OR2A12: variants seen among roughly 807,000 people sequenced by gnomAD.
The protein encoded by OR2A12 is olfactory receptor family 2 subfamily A member 12.
For missense variants in OR2A12, 380 were observed against 372.5 expected, an observed-to-expected ratio of 1.02 and a Z score of -0.17; for synonymous variants, 153 against 149.3, an observed-to-expected ratio of 1.02 and a Z score of -0.18.
chr7:144,092,451 A>G (rs953901111), intron 1 of OR2A12, among the ~76,000 whole-genome samples: 6 of 152,054 alleles, frequency 3.9e-5, no homozygotes, highest in South Asian at 4.1e-4. Flanking sequence ...AACAATATTG[A>G]TTCTTTCTAT....
intron 1 of OR2A12, among the ~76,000 whole-genome samples, chr7:144,089,243 T>G (rs2051211415): frequency 6.6e-6 from 1 of 152,092 alleles, no homozygotes; most frequent in South Asian, 2.1e-4. Context: ...GATAACAAAA[T>G]TGCTACTACC....
chr7:144,091,157 A>G (rs1391821573), intron 1 of OR2A12, among the ~76,000 whole-genome samples: 1 of 152,208 alleles, frequency 6.6e-6, no homozygotes, highest in Non-Finnish European at 1.5e-5. Context: ...TTGGGAGGCC[A>G]AGGCAGGCGG....
chr7:144,087,664 A>G (rs932230569), intron 1 of OR2A12, among the ~76,000 whole-genome samples: 3 of 152,236 alleles, frequency 2.0e-5, no homozygotes, highest in African/African-American at 4.8e-5. Context: ...TTGAGAAGGA[A>G]GTTTTTTAAA....
intron 1 of OR2A12, among the ~76,000 whole-genome samples, chr7:144,092,725 T>A (rs2051234951): frequency 6.6e-6 from 1 of 152,164 alleles, no homozygotes; most frequent in Non-Finnish European, 1.5e-5. Flanking sequence ...TTAAGGAATT[T>A]TTTTTCTATT....
intron 1 of OR2A12, among the ~76,000 whole-genome samples, chr7:144,094,847 C>T (rs780080529): frequency 2.0e-5 from 3 of 152,078 alleles, no homozygotes; most frequent in Non-Finnish European, 4.4e-5. Context: ...CTATTTTTCT[C>T]AAAAGAATCT....
At chr7:144,088,860 T>C (rs1275703060) in intron 1 of OR2A12, among the ~76,000 whole-genome samples, 1 of 152,220 alleles carries the variant, frequency 6.6e-6, no homozygotes, top group Non-Finnish European at 1.5e-5. Context: ...ACTTTATTAA[T>C]CAACATTAAA....
At chr7:144,089,742 T>C (rs2051215194) in intron 1 of OR2A12, among the ~76,000 whole-genome samples, 1 of 152,186 alleles carries the variant, frequency 6.6e-6, no homozygotes, top group Admixed American at 6.5e-5. Context: ...AGTTTCAATT[T>C]TCATCAAGAG....
chr7:144,093,787 T>A (rs1472260337), intron 1 of OR2A12, among the ~76,000 whole-genome samples: 1 of 151,794 alleles, frequency 6.6e-6, no homozygotes, highest in Non-Finnish European at 1.5e-5. Flanking sequence ...TTCATCCATG[T>A]CCCTACAAAG....
chr7:144,088,717 A>G (rs2051205707), intron 1 of OR2A12, among the ~76,000 whole-genome samples: 1 of 152,216 alleles, frequency 6.6e-6, no homozygotes, highest in Non-Finnish European at 1.5e-5. Context: ...AATACACAGT[A>G]ATTTTAATAG....
chr7:144,094,284 T>C lies in OR2A12; in HGVS notation c.-51-773T>C, dbSNP rs147376751. Among the ~76,000 whole-genome samples the C allele has an allele frequency of 1.4e-3, 211 of 152,224 alleles. 2 individuals are homozygous for C. The highest frequency in any genetic ancestry group is 4.7e-3 in the African/African-American group (195 of 41,574). On this transcript the variant is annotated intron_variant, in intron 1 of 1. Transcript: ENST00000641592. ...GGTCTTATAACACTTTCTCAGGTTC[T>C]GTTGATCAAATTATAGAGCCGGCAA...
chr7:144,094,974 A>G, intron 1 of OR2A12, 83 bp from the exon 2 acceptor site: 8 of 625,192 alleles, frequency 1.3e-5, no homozygotes, highest in Middle Eastern at 4.0e-4. Context: ...TTTGGGCTGG[A>G]TGTACCCATG....
Position 144,095,201 on chromosome 7 carries a change from C to T in OR2A12, c.94C>T (p.Leu32=). Reference sequence around the variant, plus strand: ...GTTGTTCCTCTTTGGGTTTTTCTTGCTATTCTACAGCTTAACCCTGATGGG... The same window carrying T: ...GTTGTTCCTCTTTGGGTTTTTCTTGTTATTCTACAGCTTAACCCTGATGGG... ...LELFLFGFFL[L]FYSLTLMGNG... The change falls in exon 2 of 2, where the codon CTA becomes TTA. Residue 32 remains leucine, a synonymous_variant. Transcript: ENST00000641592. The T allele has an allele frequency of 4.3e-6, 7 of 1,613,908 alleles. No individual in the cohort carries two copies. In the East Asian group the frequency reaches 1.6e-4, roughly 36 times the overall value.
chr7:144,094,024 C>T (rs1586901354), intron 1 of OR2A12, among the ~76,000 whole-genome samples: 1 of 152,152 alleles, frequency 6.6e-6, no homozygotes, highest in African/African-American at 2.4e-5. Context: ...TTAATTGCAT[C>T]TTCAATGAAT....
intron 1 of OR2A12, among the ~76,000 whole-genome samples, chr7:144,092,864 G>A (rs2128802749): frequency 8.2e-6 from 1 of 122,106 alleles, no homozygotes; most frequent in South Asian, 2.7e-4. Flanking sequence ...AAAATGTCAA[G>A]AACATGGTGA....
At chr7:144,094,305 G>A (rs1249962088) in intron 1 of OR2A12, among the ~76,000 whole-genome samples, 8 of 152,040 alleles carry the variant, frequency 5.3e-5, no homozygotes, top group South Asian at 4.1e-4. Flanking sequence ...TTATAGAGCC[G>A]GCAAGCATAT....
chr7:144,095,594 C>G lies in OR2A12; in HGVS notation c.487C>G (p.Leu163Val). 3 of 1,614,112 alleles carry G rather than the reference C, an allele frequency of 1.9e-6. No individual in the cohort carries two copies. The highest frequency in any genetic ancestry group is 2.5e-6 in the Non-Finnish European group (3 of 1,180,020). ...LLALVHITLI[L>V]RLPFCGPQKI... ...GGCTCTGGTCCATATTACTCTTATT[C>G]TGAGGCTGCCTTTTTGTGGCCCACA... The change falls in exon 2 of 2, where the codon CTG becomes GTG. Residue 163 changes from leucine (L) to valine (V), a missense_variant. Physicochemically the swap from Leu to Val is conservative, Grantham distance 32. Coordinates refer to ENST00000641592, the MANE Select transcript of OR2A12 (RefSeq NM_001004135.2).
rs2051274733 is a variant in OR2A12 at position 144,097,459 on chromosome 7, C to A, written c.*1419C>A. On this transcript the variant is annotated 3_prime_UTR_variant, in exon 2 of 2. Transcript: ENST00000641592. ...AATTGATTATTAGATTTAATACAAT[C>A]CCAATCAATATCGCAGCAGGGTGTG... The A allele has an allele frequency of 6.6e-6, 1 of 152,060 alleles. No homozygotes were observed. The highest frequency in any genetic ancestry group is 1.5e-5 in the Non-Finnish European group (1 of 68,010). The allele number at this position is 152,060 out of a possible 1,614,324, so 9.4% of individuals were successfully genotyped here. A position where few individuals can be genotyped will look rare whatever the true frequency, so the allele number is the denominator to read the frequency against.
At chr7:144,094,273 T>C (rs565871711) in intron 1 of OR2A12, among the ~76,000 whole-genome samples, 6 of 152,274 alleles carry the variant, frequency 3.9e-5, no homozygotes, top group African/African-American at 1.4e-4. Flanking sequence ...TTATAACACT[T>C]TCTCAGGTTC....
chr7:144,092,783 A>T (rs1194831372), intron 1 of OR2A12, among the ~76,000 whole-genome samples: 1 of 152,162 alleles, frequency 6.6e-6, no homozygotes, highest in African/African-American at 2.4e-5. Flanking sequence ...TAATGAAAAA[A>T]ATGAATTTTG....
Sources: gnomAD v4.1 joint callset for allele counts (sites outside exome capture counted in the v4.1 genomes callset) on GRCh38, gnomAD v4.1.1 for gene constraint, MANE v1.5 for transcripts, NCBI Gene and HGNC (gene_info 2026-07-23, HGNC 2026-07-21) for gene names.